Variants in GTF2A1 observed in about 807,000 individuals in gnomAD.
The protein encoded by GTF2A1 is general transcription factor IIA subunit 1.
In GTF2A1, 12 loss-of-function variants were observed where a neutral mutation model predicts 54.1. The ratio of observed to expected loss-of-function variants is 0.22; its 90% CI spans 0.14 to 0.36. The LOEUF (loss-of-function observed/expected upper bound fraction) is 0.36, where lower values mean the gene tolerates loss of function less well. Among genes scored for constraint, GTF2A1 ranks in the 10% least tolerant of loss-of-function variants. The probability of loss-of-function intolerance (pLI) is 1.00; values close to 1 mark genes in which losing one functional copy is unlikely to be tolerated. For missense variants in GTF2A1, 335 were observed against 442.2 expected, an observed-to-expected ratio of 0.76 and a Z score of 2.17; for synonymous variants, 145 against 152.0, an observed-to-expected ratio of 0.95 and a Z score of 0.34.
rs1205269230 is a variant in GTF2A1, at chr14:81,186,349, C to A, written c.934-729G>T. ...AGCAATGCAATAGGCTAGCAGTCTG[C>A]CTTGCTGTCTTTACATTAAAGAACT... On this transcript the variant is annotated intron_variant, in intron 7 of 8. Transcript: ENST00000553612. 2.0e-5 allele frequency among the ~76,000 whole-genome samples: 3 copies of A among 152,118 alleles called. No homozygotes were observed. In the East Asian group the frequency reaches 5.8e-4, roughly 29 times the overall value.
At chr14:81,185,975 C>T (rs1375508262) in intron 7 of GTF2A1, among the ~76,000 whole-genome samples, 1 of 152,210 alleles carries the variant, frequency 6.6e-6, no homozygotes, top group Non-Finnish European at 1.5e-5. Flanking sequence ...GCCTCAGCCT[C>T]CCCAGTAGCT....
At chr14:81,202,688 AG>A (rs1337672567) in intron 3 of GTF2A1, 1 of 517,212 alleles carries the variant, frequency 1.9e-6, no homozygotes, top group Non-Finnish European at 3.9e-6. Context: ...TAAGCGTAAA[AG>A]GAATTACATG....
intron 1 of GTF2A1, among the ~76,000 whole-genome samples, chr14:81,218,094 C>CTTT (rs5810020): frequency 3.4e-5 from 5 of 148,248 alleles, no homozygotes; most frequent in African/African-American, 9.9e-5. Flanking sequence ...CTATAAAGTG[C>CTTT]TTTTTTTTTT....
rs770615006 is a variant in GTF2A1 at position 81,201,613 on chromosome 14, T to C, written c.383A>G (p.His128Arg). ...VIVPDSKLIQ[H>R]MNASNMSAAA... ...TCTTACCATGTTTGATGCATTCATATGCTGTATCAACTTAGAATCTGGAAC... is the reference window on the plus strand; with the variant it reads ...TCTTACCATGTTTGATGCATTCATACGCTGTATCAACTTAGAATCTGGAAC... The change falls in exon 4 of 9, where the codon CAT becomes CGT. Residue 128 changes from histidine (H) to arginine (R), a missense_variant. Around this residue, in one of 2 missense-constraint regions of GTF2A1, gnomAD observed 306 missense variants for 360.4 expected, o/e 0.85. Coordinates refer to ENST00000553612, the MANE Select transcript of GTF2A1 (RefSeq NM_015859.4). 1.9e-6 allele frequency: 3 copies of C among 1,604,448 alleles called. No individual in the cohort carries two copies. Among genetic ancestry groups the C allele is most frequent in the Admixed American group, 1.7e-5 (1 of 60,004 alleles).
At chr14:81,182,103 A>C (rs1892651599) in intron 8 of GTF2A1, among the ~76,000 whole-genome samples, 1 of 152,074 alleles carries the variant, frequency 6.6e-6, no homozygotes, top group Admixed American at 6.6e-5. Context: ...TGAGACTTAA[A>C]AAAAAAAAAT....
intron 2 of GTF2A1, among the ~76,000 whole-genome samples, chr14:81,207,000 C>A (rs970263781): frequency 2.0e-5 from 3 of 152,062 alleles, no homozygotes; most frequent in African/African-American, 7.2e-5. Context: ...TAAGGAGGGT[C>A]CTAGTCAAGA....
chr14:81,201,805 A>G, intron 3 of GTF2A1, 147 bp from the exon 4 acceptor site: 2 of 625,696 alleles, frequency 3.2e-6, no homozygotes, highest in Non-Finnish European at 5.8e-6. Context: ...ATCTCAGGAC[A>G]TTATAAATGT....
At chr14:81,217,953 G>C (rs915259451) in intron 1 of GTF2A1, among the ~76,000 whole-genome samples, 4 of 152,112 alleles carry the variant, frequency 2.6e-5, no homozygotes, top group African/African-American at 7.2e-5. Flanking sequence ...GCCTCTTGAA[G>C]TTTATTCATC....
Position 81,196,210 on chromosome 14 carries a change from A to G in GTF2A1, c.510T>C (p.Asn170=). 1 of 1,614,168 alleles carries G rather than the reference A, an allele frequency of 6.2e-7. No homozygotes were observed. Among genetic ancestry groups the G allele is most frequent in the Non-Finnish European group, 8.5e-7 (1 of 1,179,976 alleles). ...GQLLQVVRAA[N]GAQYIFQPQQ... is the part of the protein sequence containing the mutation. ...GAGGCTGAAAGATATATTGGGCACC[A>G]TTGGCTGCTCTGACCACCTGAAGAA... The change falls in exon 6 of 9, where the codon AAT becomes AAC. Residue 170 remains asparagine, a synonymous_variant. Coordinates refer to ENST00000553612, the MANE Select transcript of GTF2A1 (RefSeq NM_015859.4).
intron 6 of GTF2A1, among the ~76,000 whole-genome samples, chr14:81,193,259 T>G (rs1892915941): frequency 6.7e-6 from 1 of 148,952 alleles, no homozygotes. Context: ...CCCTGCCTCC[T>G]GGGTTCAAGC....
At position 81,209,663 on chromosome 14, in the gene GTF2A1, A is replaced by G. The variant is rs149821824; in HGVS notation, c.133-5559T>C. 4.1e-3 allele frequency among the ~76,000 whole-genome samples: 631 copies of G among 152,338 alleles called. 5 individuals are homozygous for G. The highest frequency in any genetic ancestry group is 4.9e-3 in the Non-Finnish European group (331 of 68,032). On this transcript the variant is annotated intron_variant, in intron 2 of 8. Coordinates refer to ENST00000553612, the MANE Select transcript of GTF2A1 (RefSeq NM_015859.4). Reference sequence around the variant, plus strand: ...ATGTTACCATACACCAACTGCTACTATAACTTGTACTCTATTTTCTCACAG... The same window carrying G: ...ATGTTACCATACACCAACTGCTACTGTAACTTGTACTCTATTTTCTCACAG...
chr14:81,204,054 T>C lies in GTF2A1; in HGVS notation c.183A>G (p.Ser61=). 1 of 1,613,898 alleles carries C rather than the reference T, an allele frequency of 6.2e-7. No homozygotes were observed. Among genetic ancestry groups the C allele is most frequent in the Non-Finnish European group, 8.5e-7 (1 of 1,179,796 alleles). ...MQSRAVDGFH[S]EEQQLLLQVQ... The stretch of plus-strand genomic sequence containing the variant: ...CTTGCAGTAGAAGCTGCTGCTCTTC[T>C]GAATGAAATCCATCTACTGCCCTGG... The change falls in exon 3 of 9, where the codon TCA becomes TCG. Residue 61 remains serine (S), a synonymous_variant. Coordinates refer to ENST00000553612, the MANE Select transcript of GTF2A1 (RefSeq NM_015859.4).
chr14:81,205,750 G>C (rs1267909390), intron 2 of GTF2A1, among the ~76,000 whole-genome samples: 2 of 152,132 alleles, frequency 1.3e-5, no homozygotes, highest in Non-Finnish European at 2.9e-5. Flanking sequence ...ATAAATTTAA[G>C]TCTCTGCTAA....
At chr14:81,195,604 C>A (rs1479571119) in intron 6 of GTF2A1, among the ~76,000 whole-genome samples, 1 of 143,960 alleles carries the variant, frequency 6.9e-6, no homozygotes, top group Non-Finnish European at 1.5e-5. Context: ...TGCACTCCAG[C>A]CTGGGTGAAA....
intron 8 of GTF2A1, among the ~76,000 whole-genome samples, chr14:81,184,261 A>G (rs1309044317): frequency 6.6e-6 from 1 of 152,176 alleles, no homozygotes; most frequent in Non-Finnish European, 1.5e-5. Context: ...TAAATCTGAC[A>G]TCTCATCATG....
At chr14:81,213,014 T>A (rs1467343582) in intron 2 of GTF2A1, among the ~76,000 whole-genome samples, 4 of 152,200 alleles carry the variant, frequency 2.6e-5, no homozygotes, top group African/African-American at 9.7e-5. Context: ...CTCATTTTAG[T>A]CTAACCGTTT....
chr14:81,197,451 G>A lies in GTF2A1; in HGVS notation c.436C>T (p.Pro146Ser). Residue 146 changes from proline to serine, a missense_variant, in exon 5 of 9, where the codon CCT becomes TCT. Coordinates refer to ENST00000553612, the MANE Select transcript of GTF2A1 (RefSeq NM_015859.4). ...TGCTGAACAGGAGTCACACCTGCAG[G>A]GAGTGCTAAGGTAGCAGCTGTAGCA... ...AAATAATLALPAGVTPVQQIL... is the reference protein window; with the variant it reads ...AAATAATLALSAGVTPVQQIL... The A allele has an allele frequency of 6.3e-7, 1 of 1,590,864 alleles. No individual in the cohort carries two copies. The highest frequency in any genetic ancestry group is 8.6e-7 in the Non-Finnish European group (1 of 1,163,966).
chr14:81,220,450 T>A (rs1357865398), intron 1 of GTF2A1, 39 bp downstream of exon 1: 15 of 1,499,006 alleles, frequency 1.0e-5, no homozygotes, highest in African/African-American at 1.4e-5. Flanking sequence ...TGCTGCAGCC[T>A]GAACGAAGCC....
In GTF2A1 at chr14:81,198,552, G is replaced by C. The variant is rs149881382; in HGVS notation, c.403-1068C>G. On this transcript the variant is annotated intron_variant, in intron 4 of 8. Transcript: ENST00000553612. ...GGACAAATTCTTGACTTCCTGGAGA[G>C]TTCTGGAGAGTTTTCTCCTCCTGTC... Among the ~76,000 whole-genome samples the C allele has an allele frequency of 1.7e-3, 258 of 152,286 alleles. 2 individuals carry two copies. The highest frequency in any genetic ancestry group is 6.0e-3 in the African/African-American group (250 of 41,564).
Sources: gnomAD v4.1 joint callset for allele counts (sites outside exome capture counted in the v4.1 genomes callset) on GRCh38, gnomAD v4.1.1 for gene constraint, gnomAD v4.1.1 regional missense constraint, MANE v1.5 for transcripts, NCBI Gene and HGNC (gene_info 2026-07-23, HGNC 2026-07-21) for gene names.